The following SNTG2 variants were observed in gnomAD, a reference collection of about 807,000 sequenced individuals.
SNTG2 encodes the protein gamma-2-syntrophin.
Under a neutral mutation model 70.9 loss-of-function variants are expected in SNTG2, and 74 were observed. The ratio of observed to expected loss-of-function variants is 1.04; its 90% confidence interval spans 0.86 to 1.27. The LOEUF (loss-of-function observed/expected upper bound fraction) is 1.27, where lower values mean the gene tolerates loss of function less well. Ranked by LOEUF, SNTG2 falls within the 50% of genes most tolerant of loss-of-function variation. The pLI, the probability that SNTG2 is intolerant of heterozygous loss-of-function variation, is 0.00. For synonymous variants in SNTG2, 278 were observed against 273.8 expected (o/e 1.02, Z -0.15); for missense variants, 717 against 690.7 (o/e 1.04, Z -0.43).
chr2:1,148,214 G>A (rs532871390), intron 6 of SNTG2, among the ~76,000 whole-genome samples: 18 of 152,332 alleles, frequency 1.2e-4, no homozygotes, highest in African/African-American at 4.3e-4. Context: ...TGAAAGTGTT[G>A]GAAAACTGTG....
chr2:1,276,800 C>T (rs1010527623), intron 14 of SNTG2, among the ~76,000 whole-genome samples: 14 of 152,170 alleles, frequency 9.2e-5, no homozygotes, highest in African/African-American at 3.1e-4. Context: ...GGATTCACCA[C>T]CCTAGATTTC....
At chr2:1,060,358 T>A (rs1402500433) in intron 1 of SNTG2, among the ~76,000 whole-genome samples, 1 of 152,178 alleles carries the variant, frequency 6.6e-6, no homozygotes, top group African/African-American at 2.4e-5. Flanking sequence ...CACGTGTGTA[T>A]GTGTGTACTG....
At chr2:1,320,422 C>T (rs1681465732) in intron 16 of SNTG2, among the ~76,000 whole-genome samples, 1 of 151,182 alleles carries the variant, frequency 6.6e-6, no homozygotes, top group Non-Finnish European at 1.5e-5. Flanking sequence ...GTCCCAGCTA[C>T]TCAGGAGGCT....
Position 1,246,613 on chromosome 2 carries a change from A to C in SNTG2, c.889-714A>C, listed in dbSNP as rs149401924. ...TTTTTAATGCTAAGCATATGTTAAT[A>C]GGTTTTCCTTGAAATAGAATGAGAA... On this transcript the variant is annotated intron_variant, in intron 11 of 16. Coordinates refer to ENST00000308624, the MANE Select transcript of SNTG2 (RefSeq NM_018968.4). Among the ~76,000 whole-genome samples, 329 of 152,356 alleles carry C rather than the reference A, an allele frequency of 2.2e-3. 4 individuals are homozygous for C. The highest frequency in any genetic ancestry group is 7.3e-3 in the African/African-American group (302 of 41,576).
intron 1 of SNTG2, among the ~76,000 whole-genome samples, chr2:1,054,110 T>G (rs1299878709): frequency 1.3e-5 from 2 of 152,192 alleles, no homozygotes; most frequent in African/African-American, 4.8e-5. Context: ...ACATGTCTGC[T>G]GGGGCACTGC....
intron 1 of SNTG2, among the ~76,000 whole-genome samples, chr2:1,049,185 A>C (rs1661910353): frequency 6.6e-6 from 1 of 152,204 alleles, no homozygotes; most frequent in Non-Finnish European, 1.5e-5. Flanking sequence ...TCTGGAGTTC[A>C]AACGAGGATA....
intron 8 of SNTG2, among the ~76,000 whole-genome samples, chr2:1,194,982 GTTTTCTGTTCTTGCGTTAAT>G (rs1014182319): frequency 1.3e-5 from 2 of 152,068 alleles, no homozygotes; most frequent in African/African-American, 4.8e-5. Context: ...GCAGTGTTTG[GTTTTCTGTTCTTGCGTTAAT>G]TTGTGGAGGA....
At chr2:1,216,278 T>C (rs529075267) in intron 9 of SNTG2, among the ~76,000 whole-genome samples, 1 of 152,300 alleles carries the variant, frequency 6.6e-6, no homozygotes, top group Non-Finnish European at 1.5e-5. Flanking sequence ...CTCATTGTGG[T>C]TTTGATTTGC....
chr2:1,100,229 C>T lies in SNTG2; in HGVS notation c.325+1819C>T, dbSNP rs142678532. On this transcript the variant is annotated intron_variant, in intron 4 of 16. Coordinates refer to ENST00000308624, the MANE Select transcript of SNTG2 (RefSeq NM_018968.4). The stretch of plus-strand genomic sequence containing the variant: ...ATGCCCAGGCTGGAGTGCAGAGGCG[C>T]GATCTCGGCTCACTGCAACCTCCAC... Among the ~76,000 whole-genome samples, 226 of 152,098 alleles carry T rather than the reference C, an allele frequency of 1.5e-3. No individual in the cohort carries two copies. In the Middle Eastern group the frequency reaches 0.024, roughly 16 times the overall value.
chr2:1,355,735 T>C (rs868799621), intron 16 of SNTG2, among the ~76,000 whole-genome samples: 1 of 152,168 alleles, frequency 6.6e-6, no homozygotes, highest in African/African-American at 2.4e-5. Flanking sequence ...CTCGTGGTTG[T>C]CTTTTAATTT....
rs560866149 is a variant in SNTG2, at chr2:1,025,417, G to C, written c.73-58101G>C. Among the ~76,000 whole-genome samples, 5 of 152,292 alleles carry C rather than the reference G, an allele frequency of 3.3e-5. No individual in the cohort carries two copies. In the South Asian group the frequency reaches 8.3e-4, roughly 25 times the overall value. ...TTCCTATGATGAGAAGAGCATGGGG[G>C]ATTCGCTTCCCATGGCTGCTGTTTT... On this transcript the variant is annotated intron_variant, in intron 1 of 16. Coordinates refer to ENST00000308624, the MANE Select transcript of SNTG2 (RefSeq NM_018968.4).
intron 14 of SNTG2, among the ~76,000 whole-genome samples, chr2:1,268,597 C>T (rs1678869639): frequency 6.6e-6 from 1 of 152,170 alleles, no homozygotes; most frequent in South Asian, 2.1e-4. Context: ...TGGTTGATTC[C>T]TGATGCTTAA....
At position 1,329,680 on chromosome 2, in the gene SNTG2, A is replaced by G. The variant is rs1572990500; in HGVS notation, c.1488+13305A>G. On this transcript the variant is annotated intron_variant, in intron 16 of 16. Coordinates refer to ENST00000308624, the MANE Select transcript of SNTG2 (RefSeq NM_018968.4). ...TTTCCTTCATGTGTTCTTAGTTTTGACACTTTCCTGAAAACAAAAGTCCGA... is the reference window on the plus strand; with the variant it reads ...TTTCCTTCATGTGTTCTTAGTTTTGGCACTTTCCTGAAAACAAAAGTCCGA... 2.0e-5 allele frequency among the ~76,000 whole-genome samples: 3 copies of G among 152,338 alleles called. No individual in the cohort carries two copies. The South Asian group carries it at 6.2e-4, about 32-fold the overall frequency.
chr2:1,229,737 C>T (rs1676066756), intron 9 of SNTG2, among the ~76,000 whole-genome samples: 2 of 152,254 alleles, frequency 1.3e-5, no homozygotes. Flanking sequence ...GTCCTAAGTC[C>T]TGCCCCGCCG....
At chr2:1,120,536 C>T (rs9631081) in intron 4 of SNTG2, among the ~76,000 whole-genome samples, 90,109 of 151,836 alleles carry the variant, frequency 0.59, 27,534 homozygotes, top group African/African-American at 0.73. Context: ...AGGACACACA[C>T]ATATTAAAAG....
intron 8 of SNTG2, among the ~76,000 whole-genome samples, chr2:1,190,495 C>CTATATATATATATA (rs72001718): frequency 4.4e-5 from 4 of 90,804 alleles, no homozygotes; most frequent in East Asian, 2.7e-4. Context: ...GGAGGGCTGA[C>CTATATATATATATA]TATATATATA....
chr2:1,265,648 A>G (rs1456878701), intron 13 of SNTG2, among the ~76,000 whole-genome samples: 3 of 152,234 alleles, frequency 2.0e-5, no homozygotes, highest in Non-Finnish European at 1.5e-5. Flanking sequence ...ATGTGTCAGC[A>G]TATTTCAAGT....
intron 9 of SNTG2, among the ~76,000 whole-genome samples, chr2:1,220,371 C>T (rs2148021334): frequency 1.3e-5 from 2 of 152,336 alleles, no homozygotes; most frequent in South Asian, 2.1e-4. Context: ...CCAGGCCAGG[C>T]TTGTGGGAGC....
At chr2:1,188,298 A>G (rs1258718445) in intron 8 of SNTG2, among the ~76,000 whole-genome samples, 1 of 152,186 alleles carries the variant, frequency 6.6e-6, no homozygotes, top group African/African-American at 2.4e-5. Context: ...ATTACAAAAA[A>G]CCTGAAAATA....
Sources: allele counts gnomAD v4.1 joint callset (sites outside exome capture counted in the v4.1 genomes callset), GRCh38; gene constraint gnomAD v4.1.1; transcripts MANE v1.5; gene names NCBI Gene and HGNC (gene_info 2026-07-23, HGNC 2026-07-21).